MSH4: variants seen among roughly 807,000 people sequenced by gnomAD.
The protein encoded by MSH4 is mutS protein homolog 4.
A neutral mutation model predicts 113.7 loss-of-function variants in MSH4; 106 were observed. The ratio of observed to expected loss-of-function variants is 0.93; its 90% CI spans 0.80 to 1.10. The LOEUF is 1.10. Ranked by LOEUF, MSH4 falls within the 50% of genes least tolerant of loss-of-function variation. MSH4 has a pLI of 0.00. For missense variants in MSH4, 1,061 were observed against 1,093.7 expected (o/e 0.97, Z 0.42); for synonymous variants, 368 against 380.2 (o/e 0.97, Z 0.37).
intron 7 of MSH4, among the ~76,000 whole-genome samples, chr1:75,842,572 C>T (rs35591768): frequency 0.21 from 31,504 of 149,970 alleles, 3,825 homozygotes; most frequent in African/African-American, 0.31. Flanking sequence ...ATCCTCACTC[C>T]ATAATCATAC....
At chr1:75,898,822 C>A (rs577667325) in intron 18 of MSH4, among the ~76,000 whole-genome samples, 20 of 152,074 alleles carry the variant, frequency 1.3e-4, no homozygotes, top group African/African-American at 4.3e-4. Context: ...GGAAAAAAAC[C>A]ATCTTTGTTT....
intron 7 of MSH4, among the ~76,000 whole-genome samples, chr1:75,829,596 G>A (rs943176309): frequency 1.3e-5 from 2 of 152,202 alleles, no homozygotes; most frequent in African/African-American, 4.8e-5. Flanking sequence ...GCTTCCAGAG[G>A]AAGAATCAGG....
intron 8 of MSH4, among the ~76,000 whole-genome samples, chr1:75,863,390 A>G (rs763101276): frequency 8.5e-5 from 13 of 152,190 alleles, no homozygotes; most frequent in Non-Finnish European, 1.5e-4. Context: ...ATGCTGACAG[A>G]AGGCACAAGA....
chr1:75,906,550 A>AATATATT (rs376378665), intron 19 of MSH4, among the ~76,000 whole-genome samples: 1 of 15,918 alleles, frequency 6.3e-5, no homozygotes, highest in Non-Finnish European at 1.2e-4. Flanking sequence ...TATAATATAT[A>AATATATT]ATATATTATA....
intron 7 of MSH4, among the ~76,000 whole-genome samples, chr1:75,838,517 G>A (rs1437263855): frequency 2.6e-5 from 4 of 152,134 alleles, no homozygotes; most frequent in Non-Finnish European, 4.4e-5. Context: ...GTCTGGGGGA[G>A]GGTGGTGGTT....
intron 19 of MSH4, among the ~76,000 whole-genome samples, chr1:75,910,171 T>C (rs1652757613): frequency 6.6e-6 from 1 of 152,182 alleles, no homozygotes; most frequent in Admixed American, 6.5e-5. Context: ...GCTTCTTTCA[T>C]TTCTCATGTT....
chr1:75,875,245 G>A (rs554994806), intron 9 of MSH4, among the ~76,000 whole-genome samples: 3 of 152,214 alleles, frequency 2.0e-5, no homozygotes, highest in South Asian at 4.2e-4. Context: ...ATTAATCAAT[G>A]GATGATGAAA....
At chr1:75,883,078 C>G (rs1307989408) in intron 14 of MSH4, among the ~76,000 whole-genome samples, 1 of 151,816 alleles carries the variant, frequency 6.6e-6, no homozygotes. Flanking sequence ...AATCTCAGCT[C>G]ACTGCAGTCT....
chr1:75,838,636 C>CA (rs1235347860), intron 7 of MSH4, among the ~76,000 whole-genome samples: 3 of 152,166 alleles, frequency 2.0e-5, no homozygotes, highest in Middle Eastern at 3.2e-3. Flanking sequence ...CCTGTAATCT[C>CA]CCACAGCATC....
chr1:75,860,716 T>C lies in MSH4; in HGVS notation c.1231-6798T>C, dbSNP rs566391425. Among the ~76,000 whole-genome samples, 37 of 152,336 alleles carry C rather than the reference T, an allele frequency of 2.4e-4. 1 individual carries two copies. The highest frequency in any genetic ancestry group is 8.9e-4 in the African/African-American group (37 of 41,574). ...AACATTTTTTCCTTCATTTCAACCT[T>C]GGTGAATCTGCCAATTATGTGTCTT... On this transcript the variant is annotated intron_variant, in intron 8 of 19. Transcript: ENST00000263187.
chr1:75,836,347 G>A (rs1199953186), intron 7 of MSH4, among the ~76,000 whole-genome samples: 1 of 144,368 alleles, frequency 6.9e-6, no homozygotes, highest in East Asian at 2.0e-4. Context: ...TGCCTAGGCT[G>A]GAGTGTGGTG....
chr1:75,855,084 C>G (rs757065220), intron 8 of MSH4, among the ~76,000 whole-genome samples: 11 of 151,486 alleles, frequency 7.3e-5, no homozygotes, highest in Non-Finnish European at 1.5e-4. Flanking sequence ...GTTATCTAAG[C>G]TGGAGTGCAG....
At chr1:75,870,756 G>T (rs1201694134) in intron 9 of MSH4, among the ~76,000 whole-genome samples, 1 of 151,960 alleles carries the variant, frequency 6.6e-6, no homozygotes, top group Non-Finnish European at 1.5e-5. Context: ...CCCAGTCTTG[G>T]GTATGTCTTT....
chr1:75,886,554 G>A (rs111204989), intron 15 of MSH4, among the ~76,000 whole-genome samples: 85,609 of 112,804 alleles, frequency 0.76, 32,746 homozygotes, highest in East Asian at 0.98. Flanking sequence ...TATTATATAC[G>A]ATGTATTATA....
At chr1:75,865,899 C>T (rs1651552255) in intron 8 of MSH4, among the ~76,000 whole-genome samples, 1 of 150,688 alleles carries the variant, frequency 6.6e-6, no homozygotes, top group Non-Finnish European at 1.5e-5. Context: ...TGTTTCTTTT[C>T]TTCCCATATG....
At chr1:75,814,387 C>T (rs1026674597) in intron 4 of MSH4, among the ~76,000 whole-genome samples, 5 of 151,790 alleles carry the variant, frequency 3.3e-5, no homozygotes, top group Non-Finnish European at 7.4e-5. Flanking sequence ...ATTGCTTGTA[C>T]CCTGGAGTTC....
chr1:75,839,444 AC>A (rs1413095964), intron 7 of MSH4, among the ~76,000 whole-genome samples: 1 of 152,052 alleles, frequency 6.6e-6, no homozygotes, highest in Non-Finnish European at 1.5e-5. Flanking sequence ...CAAACTCCTG[AC>A]CTCAAGTGAT....
intron 8 of MSH4, among the ~76,000 whole-genome samples, chr1:75,854,330 C>A (rs986783471): frequency 4.7e-4 from 72 of 152,130 alleles, no homozygotes; most frequent in African/African-American, 1.7e-3. Context: ...CTTCACTCTG[C>A]CTATGCTGTA....
At chr1:75,872,455 T>C (rs1157432558) in intron 9 of MSH4, among the ~76,000 whole-genome samples, 1 of 152,214 alleles carries the variant, frequency 6.6e-6, no homozygotes, top group Non-Finnish European at 1.5e-5. Flanking sequence ...AACTGGATAA[T>C]GGTGTAAGTG....
Sources: gnomAD v4.1 joint callset for allele counts (sites outside exome capture counted in the v4.1 genomes callset) on GRCh38, gnomAD v4.1.1 for gene constraint, MANE v1.5 for transcripts, NCBI Gene and HGNC (gene_info 2026-07-23, HGNC 2026-07-21) for gene names.